The following MAMLD1 variants were observed in gnomAD, a reference collection of about 807,000 sequenced individuals.
The protein encoded by MAMLD1 is mastermind-like domain-containing protein 1.
In MAMLD1, 14 loss-of-function variants were observed where a neutral mutation model predicts 45.0. That is an observed-to-expected ratio of 0.31 (90% confidence interval 0.21 to 0.49). The LOEUF (loss-of-function observed/expected upper bound fraction) is 0.49. Among genes scored for constraint, MAMLD1 ranks in the 20% least tolerant of loss-of-function variants. The pLI is 0.99. For missense variants in MAMLD1, 543 were observed against 603.6 expected, an observed-to-expected ratio of 0.90 and a Z score of 1.05; for synonymous variants, 254 against 247.8, an observed-to-expected ratio of 1.02 and a Z score of -0.24.
intron 5 of MAMLD1, among the ~76,000 whole-genome samples, chrX:150,487,471 G>A (rs1338813780): frequency 8.9e-6 from 1 of 112,145 alleles, no homozygotes; most frequent in Non-Finnish European, 1.9e-5. Context: ...ACAGCACAGC[G>A]GTCTGTGGGA....
At chrX:150,509,907 G>GCACA in intron 6 of MAMLD1, 55 bp from the exon 7 acceptor site, 2 of 900,790 alleles carry the variant, frequency 2.2e-6, no homozygotes, top group Non-Finnish European at 3.3e-6. Context: ...CGATCCTAAG[G>GCACA]CTAATTATTA....
In MAMLD1 at chrX:150,514,160, C is replaced by T. The variant is rs1377078991; in HGVS notation, c.*2201C>T. ...TGTTTTTTCTTCGTTCTGTAATAAA[C>T]AGCCAGGAGAAAAGTGCCTCTATGT... On this transcript the variant is annotated 3_prime_UTR_variant, in exon 8 of 8. Coordinates refer to ENST00000370401, the MANE Select transcript of MAMLD1 (RefSeq NM_005491.5). 2 of 189,392 alleles carry T rather than the reference C, an allele frequency of 1.1e-5. No individual in the cohort carries two copies. Among genetic ancestry groups the T allele is most frequent in the African/African-American group, 2.9e-5 (1 of 33,946 alleles). 15.6% of individuals were successfully genotyped at this position (189,392 alleles called of 1,213,427 possible).
chrX:150,462,156 G>A lies in MAMLD1; in HGVS notation c.97-616G>A, dbSNP rs782215058. On this transcript the variant is annotated intron_variant, in intron 2 of 7. Coordinates refer to ENST00000370401, the MANE Select transcript of MAMLD1 (RefSeq NM_005491.5). ...TGGAAGGTTGGAAGCACCATGGTGA[G>A]ATGGGATGTGTGTCCAAGAGTTAAA... 5.3e-5 allele frequency among the ~76,000 whole-genome samples: 6 copies of A among 112,437 alleles called. No individual in the cohort carries two copies. The South Asian group carries it at 2.2e-3, about 42-fold the overall frequency.
At chrX:150,372,280 C>G (rs1210010158) in intron 1 of MAMLD1, among the ~76,000 whole-genome samples, 1 of 111,996 alleles carries the variant, frequency 8.9e-6, no homozygotes, top group East Asian at 2.8e-4. Flanking sequence ...GTCTCGTTTT[C>G]GAGTTGCTGT....
At chrX:150,406,574 A>G (rs2034003261) in intron 1 of MAMLD1, among the ~76,000 whole-genome samples, 1 of 111,701 alleles carries the variant, frequency 9.0e-6, no homozygotes, top group Admixed American at 9.5e-5. Flanking sequence ...CCCACCATTG[A>G]TATTTTTCCA....
intron 1 of MAMLD1, among the ~76,000 whole-genome samples, chrX:150,367,806 G>A (rs1182733981): frequency 8.3e-5 from 9 of 108,993 alleles, no homozygotes; most frequent in South Asian, 4.1e-4. Flanking sequence ...GAGAACATGC[G>A]GTGTTTGGTT....
At chrX:150,501,863 C>T (rs1032754635) in intron 5 of MAMLD1, among the ~76,000 whole-genome samples, 3 of 112,389 alleles carry the variant, frequency 2.7e-5, no homozygotes, top group Admixed American at 9.4e-5. Context: ...CACACCTCCA[C>T]ACCAATGCAA....
intron 1 of MAMLD1, among the ~76,000 whole-genome samples, chrX:150,416,551 T>A (rs2034253281): frequency 8.9e-6 from 1 of 111,971 alleles, no homozygotes; most frequent in Non-Finnish European, 1.9e-5. Flanking sequence ...ATTGCATTTG[T>A]CTTTAATGCC....
At chrX:150,479,360 T>C (rs1557407025) in intron 5 of MAMLD1, among the ~76,000 whole-genome samples, 2 of 112,036 alleles carry the variant, frequency 1.8e-5, no homozygotes, top group East Asian at 5.6e-4. Flanking sequence ...GCATCAGTAG[T>C]AGAGATCAAT....
At chrX:150,492,296 T>C (rs782114084) in intron 5 of MAMLD1, among the ~76,000 whole-genome samples, 4 of 112,853 alleles carry the variant, frequency 3.5e-5, no homozygotes, top group Non-Finnish European at 7.5e-5. Flanking sequence ...GGAGGTGCAG[T>C]GGCTTTCCTA....
intron 1 of MAMLD1, among the ~76,000 whole-genome samples, chrX:150,410,815 C>T (rs782041981): frequency 8.9e-6 from 1 of 111,819 alleles, no homozygotes; most frequent in Admixed American, 9.5e-5. Flanking sequence ...CAAACACAGA[C>T]CACTGGGTGC....
chrX:150,443,307 G>T, intron 1 of MAMLD1, among the ~76,000 whole-genome samples: 1 of 94,567 alleles, frequency 1.1e-5, no homozygotes, highest in Non-Finnish European at 2.1e-5. Context: ...TAGATCTTTT[G>T]TTTGTAATTC....
intron 1 of MAMLD1, among the ~76,000 whole-genome samples, chrX:150,429,699 G>A (rs1349341661): frequency 3.6e-5 from 4 of 110,983 alleles, no homozygotes; most frequent in African/African-American, 1.3e-4. Context: ...AAATGCCCAG[G>A]AGTACAGTTG....
intron 1 of MAMLD1, among the ~76,000 whole-genome samples, chrX:150,434,065 A>G (rs781940584): frequency 2.7e-5 from 3 of 111,455 alleles, no homozygotes; most frequent in African/African-American, 9.8e-5. Context: ...GATTTTTATT[A>G]CTGATTGTAT....
At chrX:150,411,922 T>C (rs1405904941) in intron 1 of MAMLD1, among the ~76,000 whole-genome samples, 3 of 112,133 alleles carry the variant, frequency 2.7e-5, no homozygotes, top group Admixed American at 9.4e-5. Flanking sequence ...AATCACATGA[T>C]TTTTAGTCAA....
chrX:150,363,783 G>C (rs2031162864), intron 1 of MAMLD1, among the ~76,000 whole-genome samples: 1 of 112,353 alleles, frequency 8.9e-6, no homozygotes, highest in African/African-American at 3.2e-5. Context: ...GGCGCCCGTC[G>C]GGCGTCTGAA....
At chrX:150,421,680 G>T (rs782420295) in intron 1 of MAMLD1, among the ~76,000 whole-genome samples, 9 of 112,260 alleles carry the variant, frequency 8.0e-5, no homozygotes, top group Admixed American at 1.9e-4. Flanking sequence ...CTCTTTCTTA[G>T]CTGTGAGTTT....
At chrX:150,401,006 T>C (rs2033728505) in intron 1 of MAMLD1, among the ~76,000 whole-genome samples, 1 of 111,251 alleles carries the variant, frequency 9.0e-6, no homozygotes, top group Non-Finnish European at 1.9e-5. Context: ...TCTTTTTCTA[T>C]TGATTGGAAT....
chrX:150,400,845 C>A (rs2033721249), intron 1 of MAMLD1, among the ~76,000 whole-genome samples: 1 of 108,350 alleles, frequency 9.2e-6, no homozygotes, highest in Non-Finnish European at 1.9e-5. Flanking sequence ...TGATGTGCTG[C>A]TGGATTCGGT....
Sources: allele counts gnomAD v4.1 joint callset (sites outside exome capture counted in the v4.1 genomes callset), GRCh38; gene constraint gnomAD v4.1.1; transcripts MANE v1.5; gene names NCBI Gene and HGNC (gene_info 2026-07-23, HGNC 2026-07-21).